Variants in GALNT7 observed in about 807,000 individuals in gnomAD.
GALNT7 encodes N-acetylgalactosaminyltransferase 7.
Under a neutral mutation model 82.1 loss-of-function variants are expected in GALNT7, and 60 were observed. That is an observed-to-expected ratio of 0.73 (90% CI 0.59 to 0.91). The LOEUF is 0.91. Among genes scored for constraint, GALNT7 ranks in the 40% least tolerant of loss-of-function variants. The pLI is 0.00. For synonymous variants in GALNT7, 243 were observed against 275.1 expected, an observed-to-expected ratio of 0.88 and a Z score of 1.15; for missense variants, 660 against 804.2, an observed-to-expected ratio of 0.82 and a Z score of 2.17.
At position 173,252,304 on chromosome 4, in the gene GALNT7, C is replaced by T. The variant is rs374742407; in HGVS notation, c.587+3864C>T. 3.9e-5 allele frequency among the ~76,000 whole-genome samples: 6 copies of T among 152,256 alleles called. No individual in the cohort carries two copies. The South Asian group carries it at 6.2e-4, about 16-fold the overall frequency. ...TGGCTTGCTGTGGCTGGCTTTTTGC[C>T]GCTTCAGAACACAGGCCCTAACAGC... On this transcript the variant is annotated intron_variant, in intron 2 of 11. Coordinates refer to ENST00000265000, the MANE Select transcript of GALNT7 (RefSeq NM_017423.3).
At position 173,313,945 on chromosome 4, in the gene GALNT7, T is replaced by TATA; in HGVS notation, c.1390-13_1390-12insATA. ...TTTATAACGATATATATATATATATTTTTTTTTTACAGAATTATGTTAGAG... is the reference window on the plus strand; with the variant it reads ...TTTATAACGATATATATATATATATTATATTTTTTTTACAGAATTATGTTAGAG... On this transcript the variant is annotated splice_polypyrimidine_tract_variant and intron_variant, in intron 8 of 11. Transcript: ENST00000265000. 9 of 1,121,476 alleles carry TATA rather than the reference T, an allele frequency of 8.0e-6. No individual in the cohort carries two copies. Among genetic ancestry groups the TATA allele is most frequent in the South Asian group, 2.9e-5 (2 of 68,768 alleles). The allele number at this position is 1,121,476 out of a possible 1,614,324, so 69.5% of individuals were successfully genotyped here.
chr4:173,266,317 G>T (rs1376547604), intron 2 of GALNT7, among the ~76,000 whole-genome samples: 1 of 152,156 alleles, frequency 6.6e-6, no homozygotes, highest in Non-Finnish European at 1.5e-5. Context: ...GGCCAGAGGG[G>T]TTCCTTGGTA....
At chr4:173,299,872 A>G (rs1408929645) in intron 6 of GALNT7, among the ~76,000 whole-genome samples, 1 of 151,990 alleles carries the variant, frequency 6.6e-6, no homozygotes, top group African/African-American at 2.4e-5. Context: ...AGACACAGCT[A>G]TAACGGAATA....
At chr4:173,248,765 A>G (rs1734750703) in intron 2 of GALNT7, among the ~76,000 whole-genome samples, 1 of 152,198 alleles carries the variant, frequency 6.6e-6, no homozygotes. Context: ...AGTCAACTAC[A>G]CTATTAAATA....
At chr4:173,186,333 A>C (rs182559367) in intron 1 of GALNT7, among the ~76,000 whole-genome samples, 16 of 152,372 alleles carry the variant, frequency 1.1e-4, no homozygotes, top group African/African-American at 3.6e-4. Flanking sequence ...ATGGACTCTG[A>C]CATGGGTTAA....
At chr4:173,311,577 G>A (rs1737385601) in intron 8 of GALNT7, among the ~76,000 whole-genome samples, 1 of 152,100 alleles carries the variant, frequency 6.6e-6, no homozygotes. Context: ...AAGCAGGAAG[G>A]TGCTACACAC....
In GALNT7 at chr4:173,182,925, TAC is replaced by T. The variant is rs61378172; in HGVS notation, c.126+13985_126+13986del. Among the ~76,000 whole-genome samples, 756 of 134,096 alleles carry T rather than the reference TAC, an allele frequency of 5.6e-3. 15 individuals carry two copies. The highest frequency in any genetic ancestry group is 0.02 in the African/African-American group (693 of 34,208). 88.0% of individuals were successfully genotyped at this position (134,096 alleles called of 152,430 possible). ...GATGAGGCTAGCAGGTTACTCATAA[TAC>T]ACACACACACACACACACACTCTGC... On this transcript the variant is annotated intron_variant, in intron 1 of 11. Transcript: ENST00000265000.
chr4:173,261,356 A>C (rs759680371), intron 2 of GALNT7, among the ~76,000 whole-genome samples: 1 of 151,990 alleles, frequency 6.6e-6, no homozygotes. Context: ...AGGGTGTGCA[A>C]ACTCTACCCA....
intron 1 of GALNT7, among the ~76,000 whole-genome samples, chr4:173,180,435 C>T (rs1732208356): frequency 6.8e-6 from 1 of 147,156 alleles, no homozygotes. Context: ...TCAAGCAATT[C>T]TCCTGCCTCA....
chr4:173,263,502 G>A (rs1482685220), intron 2 of GALNT7, among the ~76,000 whole-genome samples: 1 of 152,068 alleles, frequency 6.6e-6, no homozygotes. Context: ...AACATAGATG[G>A]CCGGATAGTA....
At chr4:173,282,657 A>C (rs916927814) in intron 2 of GALNT7, among the ~76,000 whole-genome samples, 27 of 152,316 alleles carry the variant, frequency 1.8e-4, no homozygotes, top group South Asian at 2.1e-4. Flanking sequence ...TCCTCAGAAA[A>C]AAGGTGCGTT....
chr4:173,255,318 C>T (rs1343679135), intron 2 of GALNT7, among the ~76,000 whole-genome samples: 1 of 152,152 alleles, frequency 6.6e-6, no homozygotes, highest in African/African-American at 2.4e-5. Context: ...TGATGAGAGC[C>T]TTCCCACTCT....
chr4:173,241,564 A>G (rs1340473783), intron 1 of GALNT7, among the ~76,000 whole-genome samples: 1 of 152,266 alleles, frequency 6.6e-6, no homozygotes, highest in Non-Finnish European at 1.5e-5. Flanking sequence ...AGGCTCTTAT[A>G]TAATGGAAAT....
chr4:173,239,295 A>G (rs1353891938), intron 1 of GALNT7, among the ~76,000 whole-genome samples: 1 of 152,196 alleles, frequency 6.6e-6, no homozygotes, highest in African/African-American at 2.4e-5. Context: ...AAGATAATAG[A>G]CCCAAAATCA....
chr4:173,248,749 G>A lies in GALNT7; in HGVS notation c.587+309G>A, dbSNP rs1734750048. 2.0e-5 allele frequency among the ~76,000 whole-genome samples: 3 copies of A among 152,124 alleles called. No homozygotes were observed. The South Asian group carries it at 6.2e-4, about 31-fold the overall frequency. ...CAGTGAGAAAATGAGCTTGCACCAG[G>A]ATGTAAGTCAACTACACTATTAAAT... On this transcript the variant is annotated intron_variant, in intron 2 of 11. Transcript: ENST00000265000.
Position 173,320,389 on chromosome 4 carries a change from A to C in GALNT7, c.1837-1191A>C, listed in dbSNP as rs1737766538. Among the ~76,000 whole-genome samples, 1 of 152,166 alleles carries C rather than the reference A, an allele frequency of 6.6e-6. No individual in the cohort carries two copies. The highest frequency in any genetic ancestry group is 2.4e-5 in the African/African-American group (1 of 41,452). ...ATAATAATATACTTATTAAACATTA[A>C]TGTAAATGACATTTTTAATGAAAAA... is the stretch of plus-strand genomic sequence containing the variant. On this transcript the variant is annotated intron_variant, in intron 11 of 11. Transcript: ENST00000265000. This position sits in a 1 kb window ranked among gnomAD's most constrained non-coding sequence, Gnocchi z 4.1.
At chr4:173,314,741 C>G (rs1737529592) in intron 9 of GALNT7, among the ~76,000 whole-genome samples, 1 of 152,204 alleles carries the variant, frequency 6.6e-6, no homozygotes, top group South Asian at 2.1e-4. Context: ...AGCACTTTGA[C>G]AATCAGACAT....
chr4:173,249,520 T>C (rs1366192489), intron 2 of GALNT7, among the ~76,000 whole-genome samples: 1 of 152,176 alleles, frequency 6.6e-6, no homozygotes, highest in African/African-American at 2.4e-5. Flanking sequence ...CAACCTCTTA[T>C]ACAGAGAACA....
chr4:173,213,453 T>C (rs62341141), intron 1 of GALNT7, among the ~76,000 whole-genome samples: 1 of 152,102 alleles, frequency 6.6e-6, no homozygotes, highest in East Asian at 1.9e-4. Context: ...AAAAAAAAGT[T>C]GTTATTTCTA....
Sources: allele counts gnomAD v4.1 joint callset (sites outside exome capture counted in the v4.1 genomes callset), GRCh38; gene constraint gnomAD v4.1.1; non-coding constraint Gnocchi (gnomAD v3.1); transcripts MANE v1.5; gene names NCBI Gene and HGNC (gene_info 2026-07-23, HGNC 2026-07-21).